SPATA9: variants seen among roughly 807,000 people sequenced by gnomAD.
The protein encoded by SPATA9 is spermatogenesis-associated protein 9.
Under a neutral mutation model 25.5 loss-of-function variants are expected in SPATA9, and 27 were observed. That is an observed-to-expected ratio of 1.06 (90% confidence interval 0.78 to 1.46). The LOEUF (loss-of-function observed/expected upper bound fraction) is 1.46, where lower values mean the gene tolerates loss of function less well. Among genes scored for constraint, SPATA9 ranks in the 40% most tolerant of loss-of-function variants. SPATA9 has a pLI of 0.00. For missense variants in SPATA9, 282 were observed against 297.5 expected (o/e 0.95, Z 0.38); for synonymous variants, 102 against 105.7 (o/e 0.97, Z 0.21).
At chr5:95,703,511 G>A (rs1754223891), upstream of SPATA9, among the ~76,000 whole-genome samples, 1 of 152,090 alleles carries the variant, frequency 6.6e-6, no homozygotes, top group Non-Finnish European at 1.5e-5. Flanking sequence ...CCACACGCCA[G>A]TAGTCGCAGC....
intron 1 of SPATA9, among the ~76,000 whole-genome samples, chr5:95,690,191 A>G (rs752770973): frequency 1.3e-5 from 2 of 152,214 alleles, no homozygotes; most frequent in Non-Finnish European, 2.9e-5. Context: ...AGTTAAAAAA[A>G]AGAAGATCAA....
At chr5:95,729,123 G>A in the SPATA9 span, among the ~76,000 whole-genome samples, 1 of 152,180 alleles carries the variant, frequency 6.6e-6, no homozygotes, top group South Asian at 2.1e-4. Context: ...ACTCAGTCGA[G>A]CAGCCCATGA....
At chr5:95,656,142 G>A (rs1750744188), downstream of SPATA9, 4 of 1,613,806 alleles carry the variant, frequency 2.5e-6, no homozygotes, top group Admixed American at 5.0e-5. Flanking sequence ...AAACCCTAAA[G>A]ATCCATCAGC....
chr5:95,679,387 G>T (rs1314177083), intron 2 of SPATA9, among the ~76,000 whole-genome samples: 1 of 152,058 alleles, frequency 6.6e-6, no homozygotes, highest in South Asian at 2.1e-4. Flanking sequence ...TGTTTCAAAA[G>T]ACTTTATACC....
chr5:95,673,050 G>C (rs528784535), intron 3 of SPATA9, among the ~76,000 whole-genome samples: 2 of 152,144 alleles, frequency 1.3e-5, no homozygotes, highest in South Asian at 4.2e-4. Context: ...CTTTTTCCCT[G>C]AAACATGTAC....
At chr5:95,686,648 ACTGATGGGGCAAC>A (rs1349838413), upstream of SPATA9, among the ~76,000 whole-genome samples, 3 of 152,214 alleles carry the variant, frequency 2.0e-5, no homozygotes, top group African/African-American at 7.2e-5. Context: ...ATGTTGGAGA[ACTGATGGGGCAAC>A]CTGATGAAAT....
chr5:95,692,409 T>C (rs1753916747), intron 1 of SPATA9, among the ~76,000 whole-genome samples: 1 of 152,080 alleles, frequency 6.6e-6, no homozygotes, highest in Non-Finnish European at 1.5e-5. Context: ...GGGACCGGTT[T>C]TGGTGATTTA....
At chr5:95,696,496 C>T (rs1442604854) in intron 1 of SPATA9, among the ~76,000 whole-genome samples, 1 of 152,166 alleles carries the variant, frequency 6.6e-6, no homozygotes, top group Admixed American at 6.5e-5. Context: ...TCCTGCTTCA[C>T]ACAGATATGT....
the SPATA9 span, among the ~76,000 whole-genome samples, chr5:95,725,150 G>A: frequency 1.3e-5 from 2 of 152,202 alleles, no homozygotes; most frequent in African/African-American, 4.8e-5. Flanking sequence ...AATAGCCCAC[G>A]AGTGTATCTA....
At chr5:95,723,961 A>C in the SPATA9 span, among the ~76,000 whole-genome samples, 1 of 152,204 alleles carries the variant, frequency 6.6e-6, no homozygotes, top group Admixed American at 6.5e-5. Context: ...TAAAACACAA[A>C]CAGAAAATTT....
chr5:95,664,605 C>T (rs1301725061), intron 3 of SPATA9, among the ~76,000 whole-genome samples: 1 of 152,198 alleles, frequency 6.6e-6, no homozygotes, highest in Non-Finnish European at 1.5e-5. Flanking sequence ...GAAGTTGCCT[C>T]TCCTGTGTTT....
the SPATA9 span, among the ~76,000 whole-genome samples, chr5:95,710,458 T>C: frequency 2.0e-5 from 3 of 152,350 alleles, no homozygotes; most frequent in Non-Finnish European, 4.4e-5. Flanking sequence ...AGTTAACTTA[T>C]CAGCCTCTTG....
the SPATA9 span, among the ~76,000 whole-genome samples, chr5:95,717,366 T>C: frequency 2.0e-5 from 3 of 152,240 alleles, no homozygotes; most frequent in Non-Finnish European, 4.4e-5. Context: ...AATCTCTCTC[T>C]GTCTCTCTCT....
At chr5:95,699,121 G>T (rs1204588017), upstream of SPATA9, among the ~76,000 whole-genome samples, 1 of 152,164 alleles carries the variant, frequency 6.6e-6, no homozygotes, top group Admixed American at 6.5e-5. Context: ...TTGAGGTTCT[G>T]CTGGGTATAT....
intron 3 of SPATA9, among the ~76,000 whole-genome samples, chr5:95,674,371 C>T (rs930286314): frequency 6.6e-6 from 1 of 152,146 alleles, no homozygotes; most frequent in Non-Finnish European, 1.5e-5. Context: ...GAGCTCCAAC[C>T]CCAGCTCTAG....
At chr5:95,722,734 C>T in the SPATA9 span, among the ~76,000 whole-genome samples, 10 of 152,310 alleles carry the variant, frequency 6.6e-5, no homozygotes, top group African/African-American at 9.6e-5. Context: ...CCTCCCACCT[C>T]GGCTTCCCAA....
intron 2 of SPATA9, among the ~76,000 whole-genome samples, chr5:95,679,401 G>A (rs548142754): frequency 6.6e-6 from 1 of 152,098 alleles, no homozygotes; most frequent in Admixed American, 6.6e-5. Context: ...TTATACCAAG[G>A]CTAGGGGAAT....
upstream of SPATA9, among the ~76,000 whole-genome samples, chr5:95,699,301 C>G (rs899979722): frequency 6.6e-6 from 1 of 152,114 alleles, no homozygotes; most frequent in Non-Finnish European, 1.5e-5. Flanking sequence ...ATAAATCATG[C>G]CTACTTTACA....
At chr5:95,692,340 T>C (rs968055477) in intron 1 of SPATA9, among the ~76,000 whole-genome samples, 3 of 152,160 alleles carry the variant, frequency 2.0e-5, no homozygotes, top group Admixed American at 2.0e-4. Flanking sequence ...TAGAAGCTAG[T>C]ATCACCAAGT....
Sources: gnomAD v4.1 joint callset for allele counts (sites outside exome capture counted in the v4.1 genomes callset) on GRCh38, gnomAD v4.1.1 for gene constraint, MANE v1.5 for transcripts, NCBI Gene and HGNC (gene_info 2026-07-23, HGNC 2026-07-21) for gene names.